The following UGT1A10 variants were observed in gnomAD, a reference collection of about 807,000 sequenced individuals.
UGT1A10 encodes the protein UDP glucuronosyltransferase family 1 member A10.
A neutral mutation model predicts 45.8 loss-of-function variants in UGT1A10; 49 were observed. That is an observed-to-expected ratio of 1.07 (90% CI 0.85 to 1.36). The LOEUF (loss-of-function observed/expected upper bound fraction) is 1.36, where lower values mean the gene tolerates loss of function less well. Among genes scored for constraint, UGT1A10 ranks in the 40% most tolerant of loss-of-function variants. UGT1A10 has a pLI of 0.00. For missense variants in UGT1A10, 745 were observed against 668.6 expected (o/e 1.11, Z -1.26); for synonymous variants, 284 against 249.7 (o/e 1.14, Z -1.29).
At chr2:233,736,939 G>A (rs2078828567) in intron 1 of UGT1A10, among the ~76,000 whole-genome samples, 1 of 152,164 alleles carries the variant, frequency 6.6e-6, no homozygotes. Context: ...CCACCTATAT[G>A]AGGTGTCTGT....
At chr2:233,693,994 C>T (rs889915567) in intron 1 of UGT1A10, 87 of 1,517,188 alleles carry the variant, frequency 5.7e-5, no homozygotes, top group African/African-American at 2.2e-4. Flanking sequence ...AAGTGATACC[C>T]GGCTCGGAGC....
Position 233,693,065 on chromosome 2 carries a change from T to C in UGT1A10, c.855+55688T>C, listed in dbSNP as rs1209922718. On this transcript the variant is annotated intron_variant, in intron 1 of 4. Coordinates refer to ENST00000344644, the MANE Select transcript of UGT1A10 (RefSeq NM_019075.4). ...TGCAGGGGTTTTCTTCTTAGCACTT[T>C]GGGGCATGGTTGTAGGTGACAAGCT... 3 of 1,614,026 alleles carry C rather than the reference T, an allele frequency of 1.9e-6. No individual in the cohort carries two copies. In the African/African-American group the frequency reaches 4.0e-5, roughly 22 times the overall value.
chr2:233,655,224 G>C (rs542500980), intron 1 of UGT1A10, among the ~76,000 whole-genome samples: 1 of 152,312 alleles, frequency 6.6e-6, no homozygotes, highest in South Asian at 2.1e-4. Flanking sequence ...GTGATCACCA[G>C]GGCAAAGTCT....
chr2:233,715,672 T>G (rs2076464299), intron 1 of UGT1A10, among the ~76,000 whole-genome samples: 1 of 152,104 alleles, frequency 6.6e-6, no homozygotes, highest in Non-Finnish European at 1.5e-5. Context: ...CTCGGGAGGC[T>G]GAGGCAGGAG....
intron 1 of UGT1A10, among the ~76,000 whole-genome samples, chr2:233,674,469 G>A (rs2074285950): frequency 2.0e-5 from 3 of 152,044 alleles, no homozygotes; most frequent in South Asian, 4.2e-4. Context: ...TTTGGCTGAG[G>A]GTAAGGCCCT....
intron 1 of UGT1A10, among the ~76,000 whole-genome samples, chr2:233,727,388 C>T (rs1479838653): frequency 6.6e-6 from 1 of 152,174 alleles, no homozygotes; most frequent in Admixed American, 6.5e-5. Flanking sequence ...GTACCACCGT[C>T]TTCCAAGATA....
At position 233,757,541 on chromosome 2, in the gene UGT1A10, T is replaced by TATACATATAC. The variant is rs1229454769; in HGVS notation, c.856-9490_856-9489insCATATACATA. ...CAAAATCTTGCCTGTAAGGAATATA[T>TATACATATAC]ATATATATATATATATATATGTATA... On this transcript the variant is annotated intron_variant, in intron 1 of 4. Transcript: ENST00000344644. Among the ~76,000 whole-genome samples the TATACATATAC allele has an allele frequency of 5.2e-3, 611 of 117,548 alleles. 31 individuals carry two copies. Among genetic ancestry groups the TATACATATAC allele is most frequent in the Admixed American group, 0.029 (361 of 12,346 alleles). The allele number at this position is 117,548 out of a possible 152,430, so 77.1% of individuals were successfully genotyped here.
At chr2:233,722,255 G>A (rs549830880) in intron 1 of UGT1A10, among the ~76,000 whole-genome samples, 90 of 152,216 alleles carry the variant, frequency 5.9e-4, no homozygotes, top group African/African-American at 2.1e-3. Flanking sequence ...TGACAGACAC[G>A]CCATTATCAT....
In UGT1A10 at chr2:233,767,996, A is replaced by G. The variant is rs555884765; in HGVS notation, c.1075+60A>G. The G allele has an allele frequency of 8.8e-4, 1,425 of 1,614,192 alleles. 2 individuals are homozygous for G. The highest frequency in any genetic ancestry group is 7.6e-4 in the Non-Finnish European group (900 of 1,180,046). ...AGGGTCAAATTAAGAAAATGGCTTA[A>G]GCACAGCTATTCTAAAGGATTGTTG... On this transcript the variant is annotated intron_variant, in intron 3 of 4. Transcript: ENST00000344644.
At chr2:233,723,995 T>G (rs1311992606) in intron 1 of UGT1A10, among the ~76,000 whole-genome samples, 3 of 71,382 alleles carry the variant, frequency 4.2e-5, no homozygotes, top group Admixed American at 3.7e-4. Flanking sequence ...CGCCTTTCTA[T>G]TCCACAAAGC....
intron 1 of UGT1A10, among the ~76,000 whole-genome samples, chr2:233,657,827 A>G (rs12988409): frequency 6.6e-6 from 1 of 152,144 alleles, no homozygotes; most frequent in African/African-American, 2.4e-5. Flanking sequence ...GGTCTATGCC[A>G]CTTTTTAAGA....
intron 1 of UGT1A10, chr2:233,719,562 C>A (rs1164668665): frequency 9.9e-6 from 16 of 1,613,782 alleles, no homozygotes; most frequent in African/African-American, 1.3e-5. Flanking sequence ...AGTGGTGGAT[C>A]TTGTCAGCTA....
At chr2:233,761,193 A>G (rs764178788) in intron 1 of UGT1A10, 2 of 1,614,148 alleles carry the variant, frequency 1.2e-6, no homozygotes, top group Non-Finnish European at 8.5e-7. Context: ...ATATTCTTTC[A>G]GATGTATTAC....
At chr2:233,640,199 G>A (rs561970608) in intron 1 of UGT1A10, among the ~76,000 whole-genome samples, 11 of 152,260 alleles carry the variant, frequency 7.2e-5, no homozygotes, top group African/African-American at 2.6e-4. Context: ...TATTTTCAAA[G>A]TTTTCAAACA....
At chr2:233,717,883 G>T (rs778761780) in intron 1 of UGT1A10, 1 of 454,838 alleles carries the variant, frequency 2.2e-6, no homozygotes, top group East Asian at 6.9e-5. Context: ...GAAAAGCCTG[G>T]CCATAATCTT....
At chr2:233,656,472 T>C (rs1196210995) in intron 1 of UGT1A10, among the ~76,000 whole-genome samples, 2 of 152,234 alleles carry the variant, frequency 1.3e-5, no homozygotes, top group African/African-American at 4.8e-5. Context: ...ACATTGTTTT[T>C]CTCTAGACCT....
At chr2:233,648,106 A>T in intron 1 of UGT1A10, 2 of 1,478,122 alleles carry the variant, frequency 1.4e-6, no homozygotes, top group South Asian at 3.0e-5. Context: ...CCAGGAGTTC[A>T]TGGCTTTTGC....
chr2:233,718,121 TG>T, intron 1 of UGT1A10: 1 of 289,636 alleles, frequency 3.5e-6, no homozygotes. Context: ...TCTTATTCCA[TG>T]GTGTAGATGG....
chr2:233,648,011 G>T, intron 1 of UGT1A10: 1 of 1,603,254 alleles, frequency 6.2e-7, no homozygotes, highest in Non-Finnish European at 8.5e-7. Context: ...GTTGTAGTCA[G>T]GCCAGAGGTG....
Sources: allele counts gnomAD v4.1 joint callset (sites outside exome capture counted in the v4.1 genomes callset), GRCh38; gene constraint gnomAD v4.1.1; transcripts MANE v1.5; gene names NCBI Gene and HGNC (gene_info 2026-07-23, HGNC 2026-07-21).